The following PCDHA4 variants were observed in gnomAD, a reference collection of about 807,000 sequenced individuals.
PCDHA4 encodes protocadherin alpha 4, also known as protocadherin alpha-4.
PCDHA4 carries 49 observed loss-of-function variants against 61.4 expected under a neutral mutation model. That is an observed-to-expected ratio of 0.80 (90% CI 0.63 to 1.01). PCDHA4 has a LOEUF of 1.01. Among genes scored for constraint, PCDHA4 ranks in the 50% least tolerant of loss-of-function variants. PCDHA4 has a pLI of 0.00. For synonymous variants in PCDHA4, 590 were observed against 550.3 expected, an observed-to-expected ratio of 1.07 and a Z score of -1.01; for missense variants, 1,254 against 1,235.8, an observed-to-expected ratio of 1.01 and a Z score of -0.22.
intron 3 of PCDHA4, among the ~76,000 whole-genome samples, chr5:141,008,156 G>A (rs1231186640): frequency 6.6e-6 from 1 of 152,150 alleles, no homozygotes; most frequent in Non-Finnish European, 1.5e-5. Context: ...GGTTTGATAA[G>A]ATGAGGACTA....
chr5:140,954,824 C>T (rs1167171102), intron 1 of PCDHA4, among the ~76,000 whole-genome samples: 2 of 152,068 alleles, frequency 1.3e-5, no homozygotes, highest in Non-Finnish European at 2.9e-5. Flanking sequence ...GCTTTAGGCA[C>T]TTTTGTCATG....
At position 140,967,211 on chromosome 5, in the gene PCDHA4, C is replaced by T. The variant is rs549238768; in HGVS notation, c.2386-11738C>T. On this transcript the variant is annotated intron_variant, in intron 1 of 3. Transcript: ENST00000530339. ...CATCAACGACAACTCACCGCGTTTC[C>T]CGCGGCCCAACTACCAGCTTCAGGT... 1.1e-5 allele frequency: 18 copies of T among 1,613,676 alleles called. No individual in the cohort carries two copies. The East Asian group carries it at 3.3e-4, about 30-fold the overall frequency.
At chr5:140,816,507 T>TTGTGTTTG (rs1765923153) in intron 1 of PCDHA4, 1 of 149,440 alleles carries the variant, frequency 6.7e-6, no homozygotes, top group Non-Finnish European at 1.5e-5. Flanking sequence ...GGAGGTGTGT[T>TTGTGTTTG]TGTGTGTGTG....
At chr5:140,960,853 T>C (rs1554225072) in intron 1 of PCDHA4, among the ~76,000 whole-genome samples, 2 of 152,214 alleles carry the variant, frequency 1.3e-5, no homozygotes, top group Non-Finnish European at 1.5e-5. Flanking sequence ...ATGGCAACTA[T>C]AAGCCAGAAA....
chr5:140,967,659 G>A, intron 1 of PCDHA4: 1 of 1,614,218 alleles, frequency 6.2e-7, no homozygotes, highest in Non-Finnish European at 8.5e-7. Flanking sequence ...TCCTTGAGCA[G>A]CTACACGTCG....
chr5:140,877,195 G>A, intron 1 of PCDHA4: 2 of 1,613,838 alleles, frequency 1.2e-6, no homozygotes, highest in East Asian at 2.2e-5. Context: ...CAGCGCAGGA[G>A]GCGCAGTTAG....
At chr5:140,810,808 T>C (rs530061594) in intron 1 of PCDHA4, 17 of 152,258 alleles carry the variant, frequency 1.1e-4, no homozygotes, top group Admixed American at 9.1e-4. Context: ...TTTTTAATTC[T>C]TTTTTGTCTT....
chr5:140,967,636 T>G, intron 1 of PCDHA4: 2 of 1,614,138 alleles, frequency 1.2e-6, no homozygotes, highest in Non-Finnish European at 1.7e-6. Context: ...GCTCCAATGG[T>G]GAGCTCAGGT....
At chr5:140,863,023 G>T (rs782495275) in intron 1 of PCDHA4, 12 of 553,926 alleles carry the variant, frequency 2.2e-5, no homozygotes, top group South Asian at 1.5e-4. Context: ...CCTGGTTGTC[G>T]CAACAGCTGC....
rs782094851 is a variant in PCDHA4, at chr5:140,857,519, T to C, written c.2385+47947T>C. 175 of 1,597,972 alleles carry C rather than the reference T, an allele frequency of 1.1e-4. 14 individuals are homozygous for C. The highest frequency in any genetic ancestry group is 1.4e-4 in the Non-Finnish European group (163 of 1,167,816). On this transcript the variant is annotated intron_variant, in intron 1 of 3. Coordinates refer to ENST00000530339, the MANE Select transcript of PCDHA4 (RefSeq NM_018907.4). ...CGCGCAGGAGAACGCCCTGGTGTCCTACTCTCTGGTGGAGCGGCGGTTGGG... is the reference window on the plus strand; with the variant it reads ...CGCGCAGGAGAACGCCCTGGTGTCCCACTCTCTGGTGGAGCGGCGGTTGGG...
At chr5:140,978,881 A>G in intron 1 of PCDHA4, 68 bp from the exon 2 acceptor site, 1 of 1,610,922 alleles carries the variant, frequency 6.2e-7, no homozygotes, top group Non-Finnish European at 8.5e-7. Flanking sequence ...TAACTAATCA[A>G]TTAGCAGCAT....
chr5:140,963,771 GA>G (rs1459827253), intron 1 of PCDHA4, among the ~76,000 whole-genome samples: 2 of 152,164 alleles, frequency 1.3e-5, no homozygotes, highest in African/African-American at 4.8e-5. Context: ...ATTTCATGAC[GA>G]CAGCAACAAC....
chr5:140,835,404 G>A, intron 1 of PCDHA4: 1 of 1,614,010 alleles, frequency 6.2e-7, no homozygotes, highest in Non-Finnish European at 8.5e-7. Flanking sequence ...TGTGGAAGTT[G>A]TGGATGTAAA....
chr5:140,938,599 C>T (rs1554212246), intron 1 of PCDHA4, among the ~76,000 whole-genome samples: 1 of 152,048 alleles, frequency 6.6e-6, no homozygotes, highest in African/African-American at 2.4e-5. Flanking sequence ...ATAAACCAAT[C>T]TTGCATTCTT....
At chr5:140,866,876 T>A (rs1554160645) in intron 1 of PCDHA4, 2 of 152,134 alleles carry the variant, frequency 1.3e-5, no homozygotes, top group African/African-American at 4.8e-5. Context: ...CTTCTTGGTA[T>A]TAGCCTATAC....
chr5:140,832,332 T>C (rs2150201022), intron 1 of PCDHA4, among the ~76,000 whole-genome samples: 5 of 152,348 alleles, frequency 3.3e-5, no homozygotes, highest in South Asian at 2.1e-4. Context: ...ATTAGAGGAC[T>C]GAGTTGTGGT....
chr5:140,836,217 CA>C, intron 1 of PCDHA4: 1 of 1,613,820 alleles, frequency 6.2e-7, no homozygotes, highest in Non-Finnish European at 8.5e-7. Context: ...GTATGAGTTG[CA>C]ACCGGTGGCG....
At chr5:140,878,725 A>G (rs1230048195) in intron 1 of PCDHA4, among the ~76,000 whole-genome samples, 1 of 152,252 alleles carries the variant, frequency 6.6e-6, no homozygotes, top group African/African-American at 2.4e-5. Flanking sequence ...TAAAATTTCC[A>G]GCCTTATATC....
intron 1 of PCDHA4, chr5:140,841,181 C>G: frequency 2.6e-6 from 3 of 1,156,610 alleles, no homozygotes; most frequent in Non-Finnish European, 3.6e-6. Context: ...GGTCAATGTT[C>G]AAAGTCTTTT....
Sources: allele counts gnomAD v4.1 joint callset (sites outside exome capture counted in the v4.1 genomes callset), GRCh38; gene constraint gnomAD v4.1.1; transcripts MANE v1.5; gene names NCBI Gene and HGNC (gene_info 2026-07-23, HGNC 2026-07-21).